Variants in PHF12 observed in about 807,000 individuals in gnomAD.
PHF12 encodes the protein PHD factor 1.
PHF12 carries 6 observed loss-of-function variants against 99.8 expected under a neutral mutation model. That is an observed-to-expected ratio of 0.06 (90% confidence interval 0.03 to 0.12). The LOEUF (loss-of-function observed/expected upper bound fraction) is 0.12. PHF12 is among the 10% of genes least tolerant of loss of function. The pLI is 1.00. For synonymous variants in PHF12, 480 were observed against 514.9 expected (o/e 0.93, Z 0.92); for missense variants, 954 against 1,300.1 (o/e 0.73, Z 4.09).
Position 28,913,953 on chromosome 17 carries a change from T to C in PHF12, c.1219A>G (p.Asn407Asp), listed in dbSNP as rs1425077318. The change falls in exon 8 of 15, where the codon AAT (asparagine) becomes GAT (aspartate). Residue 407 changes from asparagine to aspartate, a missense_variant. Transcript: ENST00000332830. ...ATCTGTGATTCCTCAGGGATCCCAT[T>C]GCAGATCAGCTCCCCGTCCCGAATG... ...AAIRDGELIC[N>D]GIPEESQMHL... 1 of 1,613,918 alleles carries C rather than the reference T, an allele frequency of 6.2e-7. No homozygotes were observed. Among genetic ancestry groups the C allele is most frequent in the Non-Finnish European group, 8.5e-7 (1 of 1,179,884 alleles).
intron 2 of PHF12, among the ~76,000 whole-genome samples, chr17:28,948,319 T>C (rs1292404973): frequency 1.3e-5 from 2 of 152,182 alleles, no homozygotes; most frequent in Non-Finnish European, 2.9e-5. Context: ...TGGGAATAAC[T>C]GGTAAGCAAC....
chr17:28,906,923 A>G lies in PHF12; in HGVS notation c.2613T>C (p.Cys871=), dbSNP rs1567946193. The G allele has an allele frequency of 6.2e-7, 1 of 1,613,618 alleles. No individual in the cohort carries two copies. Among genetic ancestry groups the G allele is most frequent in the Non-Finnish European group, 8.5e-7 (1 of 1,179,756 alleles). ...TTGGCGGGGTCTTCTCCGAGAAGTC[A>G]CATGAATACAGCACATTGTCCACCG... The part of the protein sequence containing the change: ...GTTVDNVLYS[C]DFSEKTPPTP... The change falls in exon 14 of 15, where the codon TGT becomes TGC. Residue 871 remains cysteine, a synonymous_variant. Transcript: ENST00000332830. This position sits in a 1 kb window ranked among gnomAD's most constrained non-coding sequence, Gnocchi z 4.2.
rs79908162 is a variant in PHF12, at chr17:28,949,593, T to C, written c.248+472A>G. The C allele has an allele frequency of 8.1e-3, 1,276 of 157,148 alleles. 21 individuals are homozygous for C. Among genetic ancestry groups the C allele is most frequent in the African/African-American group, 0.029 (1,224 of 41,764 alleles). 9.7% of individuals were successfully genotyped at this position (157,148 alleles called of 1,614,324 possible). On this transcript the variant is annotated intron_variant, in intron 2 of 14. Coordinates refer to ENST00000332830, the MANE Select transcript of PHF12 (RefSeq NM_001033561.2). The surrounding 1 kb of genome is among the most constrained non-coding windows in gnomAD (Gnocchi z 4.6). ...TCGAGAGACACCCTCCACGATTTTT[T>C]CTACAGCCACAAGCGCCCGGTTGCC...
chr17:28,951,163 G>A lies in PHF12; in HGVS notation c.-203C>T, dbSNP rs988782448. 17 of 1,427,600 alleles carry A rather than the reference G, an allele frequency of 1.2e-5. No homozygotes were observed. The highest frequency in any genetic ancestry group is 2.6e-4 in the Middle Eastern group (1 of 3,854). The allele number at this position is 1,427,600 out of a possible 1,614,324, so 88.4% of individuals were successfully genotyped here. On this transcript the variant is annotated 5_prime_UTR_variant, in exon 1 of 15. Transcript: ENST00000332830. ...GTCCTCCCGACGGGCCGCGAGGGGG[G>A]AGCGGCCCCTCAGTCCCGGCCCGGC...
Position 28,907,094 on chromosome 17 carries a change from G to T in PHF12, c.2542-100C>A, listed in dbSNP as rs1249401910. On this transcript the variant is annotated intron_variant, in intron 13 of 14. Coordinates refer to ENST00000332830, the MANE Select transcript of PHF12 (RefSeq NM_001033561.2). ...GGAGAAGGCCGTGCTACTCTACCTA[G>T]AGAGTCCTTACTTGCCTCCCCAGTC... The T allele has an allele frequency of 4.4e-6, 6 of 1,369,776 alleles. No individual in the cohort carries two copies. In the East Asian group the frequency reaches 1.2e-4, roughly 27 times the overall value. The allele number at this position is 1,369,776 out of a possible 1,614,324, so 84.9% of individuals were successfully genotyped here.
intron 2 of PHF12, among the ~76,000 whole-genome samples, chr17:28,941,686 C>T (rs1033517742): frequency 6.6e-6 from 1 of 152,112 alleles, no homozygotes; most frequent in African/African-American, 2.4e-5. Context: ...TCACTGCAAC[C>T]TCCACCTCCC....
At chr17:28,926,758 A>G in intron 3 of PHF12, 1 of 1,491,048 alleles carries the variant, frequency 6.7e-7, no homozygotes, top group Non-Finnish European at 9.0e-7. Context: ...TAGTGACTAA[A>G]CATGGCTCAG....
At position 28,950,533 on chromosome 17, in the gene PHF12, C is replaced by T; in HGVS notation, c.67-287G>A. On this transcript the variant is annotated intron_variant, in intron 1 of 14. Transcript: ENST00000332830. The surrounding 1 kb of genome is among the most constrained non-coding windows in gnomAD (Gnocchi z 5.7). ...CCTTCTTGCCACTTCCTTGTATGGA[C>T]AGTGGGGGACTCCAAAGACCCGCTC... 1.9e-6 allele frequency: 1 copy of T among 537,666 alleles called. No homozygotes were observed. Among genetic ancestry groups the T allele is most frequent in the African/African-American group, 1.9e-5 (1 of 52,462 alleles). 33.3% of individuals were successfully genotyped at this position (537,666 alleles called of 1,614,324 possible).
intron 2 of PHF12, among the ~76,000 whole-genome samples, chr17:28,934,914 A>G (rs1284370220): frequency 1.3e-5 from 2 of 152,196 alleles, no homozygotes; most frequent in African/African-American, 4.8e-5. Context: ...TTGAACCTTT[A>G]GATTCCTTCT....
At chr17:28,909,467 T>C (rs537341923) in intron 11 of PHF12, 226 of 153,804 alleles carry the variant, frequency 1.5e-3, no homozygotes, top group Non-Finnish European at 2.3e-3. Context: ...CTCAGACATA[T>C]CTGAAACAGA....
At chr17:28,909,245 T>A (rs2039919146) in intron 11 of PHF12, 1 of 210,676 alleles carries the variant, frequency 4.7e-6, no homozygotes, top group African/African-American at 2.3e-5. Flanking sequence ...TTAATGTGCA[T>A]AAGAATCGCC....
chr17:28,950,504 G>C lies in PHF12; in HGVS notation c.67-258C>G. The C allele has an allele frequency of 5.4e-6, 3 of 560,666 alleles. No individual in the cohort carries two copies. In the South Asian group the frequency reaches 6.6e-5, roughly 12 times the overall value. The allele number at this position is 560,666 out of a possible 1,614,324, so 34.7% of individuals were successfully genotyped here. ...TAGGGGGATGGGAAGAGGGTGCGCG[G>C]TTCCCTTCTTGCCACTTCCTTGTAT... On this transcript the variant is annotated intron_variant, in intron 1 of 14. Coordinates refer to ENST00000332830, the MANE Select transcript of PHF12 (RefSeq NM_001033561.2). The surrounding 1 kb of genome is among the most constrained non-coding windows in gnomAD (Gnocchi z 5.7).
At chr17:28,909,257 A>C (rs1485458700) in intron 11 of PHF12, 2 of 192,400 alleles carry the variant, frequency 1.0e-5, no homozygotes, top group African/African-American at 4.6e-5. Flanking sequence ...AGAATCGCCT[A>C]CAGATCTTGT....
At chr17:28,933,120 T>C (rs1343467056) in intron 2 of PHF12, among the ~76,000 whole-genome samples, 3 of 152,178 alleles carry the variant, frequency 2.0e-5, no homozygotes, top group East Asian at 3.8e-4. Flanking sequence ...GACAGGGTCC[T>C]GGAGGCCGTC....
At chr17:28,947,171 C>T (rs919034795) in intron 2 of PHF12, among the ~76,000 whole-genome samples, 13 of 151,140 alleles carry the variant, frequency 8.6e-5, no homozygotes, top group South Asian at 4.2e-4. Flanking sequence ...TTAGTAGAGA[C>T]GGAGTTTCAC....
intron 2 of PHF12, chr17:28,945,397 G>A (rs943751878): frequency 1.3e-5 from 2 of 152,046 alleles, no homozygotes; most frequent in Non-Finnish European, 2.9e-5. Flanking sequence ...CTCATTCTTC[G>A]AAAACCTCAT....
At chr17:28,921,540 C>T (rs113331034) in intron 5 of PHF12, 148 bp downstream of exon 5, 24 of 1,025,410 alleles carry the variant, frequency 2.3e-5, no homozygotes, top group Middle Eastern at 2.8e-4. Flanking sequence ...TCAAGGCTCT[C>T]GTCAGTCCAT....
intron 3 of PHF12, chr17:28,924,635 A>G (rs1431976825): frequency 2.7e-6 from 1 of 364,740 alleles, no homozygotes; most frequent in Non-Finnish European, 5.2e-6. Flanking sequence ...CACAGTGAGA[A>G]TAAATTTAGT....
chr17:28,917,665 G>A (rs1289482526), intron 6 of PHF12, among the ~76,000 whole-genome samples: 2 of 152,168 alleles, frequency 1.3e-5, no homozygotes, highest in Admixed American at 6.5e-5. Flanking sequence ...GAGCCAATAT[G>A]TTCCTGTTCC....
Sources: allele counts gnomAD v4.1 joint callset (sites outside exome capture counted in the v4.1 genomes callset), GRCh38; gene constraint gnomAD v4.1.1; non-coding constraint Gnocchi (gnomAD v3.1); transcripts MANE v1.5; gene names NCBI Gene and HGNC (gene_info 2026-07-23, HGNC 2026-07-21).